The following HOOK3 variants were observed in gnomAD, a reference collection of about 807,000 sequenced individuals.
HOOK3 encodes the protein hook microtubule tethering protein 3.
In HOOK3, 24 loss-of-function variants were observed where a neutral mutation model predicts 116.3. That is an observed-to-expected ratio of 0.21 (90% CI 0.15 to 0.29). HOOK3 has a LOEUF of 0.29. HOOK3 is among the 10% of genes least tolerant of loss of function. HOOK3 has a pLI of 1.00. For synonymous variants in HOOK3, 275 were observed against 283.0 expected (o/e 0.97, Z 0.28); for missense variants, 632 against 830.2 (o/e 0.76, Z 2.93).
intron 2 of HOOK3, among the ~76,000 whole-genome samples, chr8:42,909,120 C>T (rs1246940581): frequency 6.6e-6 from 1 of 152,180 alleles, no homozygotes; most frequent in East Asian, 1.9e-4. Context: ...CACCTCACAC[C>T]TATCAGAATG....
chr8:42,927,481 C>T (rs1055915243), intron 3 of HOOK3, among the ~76,000 whole-genome samples: 2 of 152,148 alleles, frequency 1.3e-5, no homozygotes, highest in African/African-American at 4.8e-5. Flanking sequence ...GTCTTGAACT[C>T]CTAACCTCAG....
intron 15 of HOOK3, among the ~76,000 whole-genome samples, chr8:42,993,499 A>G (rs754633684): frequency 7.9e-5 from 12 of 152,044 alleles, no homozygotes; most frequent in Non-Finnish European, 1.8e-4. Context: ...TCGTTTTGGT[A>G]TCAGGGTAAT....
intron 15 of HOOK3, among the ~76,000 whole-genome samples, chr8:42,991,067 T>A (rs148572986): frequency 0.015 from 2,347 of 152,342 alleles, 32 homozygotes; most frequent in Non-Finnish European, 0.022. Context: ...CCAGAGTATG[T>A]TCTTGGCATC....
intron 2 of HOOK3, among the ~76,000 whole-genome samples, chr8:42,910,684 A>G (rs915687764): frequency 1.3e-5 from 2 of 152,250 alleles, no homozygotes; most frequent in Admixed American, 6.5e-5. Context: ...TGTATGATGT[A>G]TACAACCTCA....
Position 42,986,711 on chromosome 8 carries a change from G to T in HOOK3, c.1448G>T (p.Gly483Val). ...AAGATGTTAAAGCTTAACCAAGAAGGTTCGGACAATGAAAAAATAGCCTTA... is the reference window on the plus strand; with the variant it reads ...AAGATGTTAAAGCTTAACCAAGAAGTTTCGGACAATGAAAAAATAGCCTTA... ...ENKMLKLNQE[G>V]SDNEKIALLQ... The change falls in exon 15 of 22, where the codon GGT becomes GTT. Residue 483 changes from glycine to valine, a missense_variant. This residue lies in a region of HOOK3 where 483 missense variants were observed against 648.1 expected (regional missense o/e 0.75). Transcript: ENST00000307602. 3 of 1,613,838 alleles carry T rather than the reference G, an allele frequency of 1.9e-6. No homozygotes were observed. Among genetic ancestry groups the T allele is most frequent in the African/African-American group, 1.3e-5 (1 of 75,022 alleles).
intron 2 of HOOK3, among the ~76,000 whole-genome samples, chr8:42,919,107 C>G (rs973698851): frequency 6.6e-5 from 10 of 150,768 alleles, no homozygotes; most frequent in South Asian, 2.1e-4. Context: ...ATCACCCAGA[C>G]AGGGCGGCTG....
intron 11 of HOOK3, among the ~76,000 whole-genome samples, chr8:42,971,347 A>G (rs1236190281): frequency 1.3e-5 from 2 of 151,874 alleles, no homozygotes; most frequent in South Asian, 2.1e-4. Flanking sequence ...GCTTATCGCA[A>G]CCTCCACCTC....
intron 15 of HOOK3, among the ~76,000 whole-genome samples, chr8:42,993,202 T>G (rs1304094707): frequency 2.6e-5 from 4 of 152,226 alleles, no homozygotes. Flanking sequence ...TGTTGTTGAA[T>G]TTGGTTTGCA....
intron 18 of HOOK3, 63 bp downstream of exon 18, chr8:43,007,992 G>A: frequency 1.4e-6 from 1 of 690,700 alleles, no homozygotes. Flanking sequence ...TAGTGATAGT[G>A]AGTTTACATA....
intron 10 of HOOK3, among the ~76,000 whole-genome samples, chr8:42,967,324 C>T (rs541821240): frequency 2.0e-5 from 3 of 152,140 alleles, no homozygotes; most frequent in Non-Finnish European, 2.9e-5. Flanking sequence ...CCTATAGCAG[C>T]GAAGAAAGAG....
chr8:42,988,186 A>G (rs2130454128), intron 15 of HOOK3, among the ~76,000 whole-genome samples: 1 of 152,324 alleles, frequency 6.6e-6, no homozygotes, highest in South Asian at 2.1e-4. Context: ...GTCTAGAGAA[A>G]TGAGGGATTT....
intron 4 of HOOK3, among the ~76,000 whole-genome samples, chr8:42,931,419 T>C (rs1288354333): frequency 6.7e-6 from 1 of 149,410 alleles, no homozygotes; most frequent in Non-Finnish European, 1.5e-5. Flanking sequence ...TATATTCTTC[T>C]CTTCTCTTTT....
chr8:43,003,860 T>A (rs1021363812), intron 17 of HOOK3, among the ~76,000 whole-genome samples: 8 of 152,186 alleles, frequency 5.3e-5, no homozygotes, highest in African/African-American at 1.9e-4. Context: ...CTAATGACCT[T>A]CTTATAAGGA....
intron 19 of HOOK3, 58 bp downstream of exon 19, chr8:43,010,463 C>A: frequency 3.7e-6 from 2 of 542,434 alleles, no homozygotes; most frequent in Non-Finnish European, 3.0e-6. Flanking sequence ...TCAGTGAAGT[C>A]TCAAATATAA....
intron 15 of HOOK3, among the ~76,000 whole-genome samples, chr8:42,991,090 AGTTCACTGTAGGT>A (rs1809151727): frequency 6.6e-6 from 1 of 152,192 alleles, no homozygotes; most frequent in Non-Finnish European, 1.5e-5. Context: ...TGTCAAAATA[AGTTCACTGTAGGT>A]GTATAGATTT....
At chr8:42,992,273 G>T (rs557935405) in intron 15 of HOOK3, among the ~76,000 whole-genome samples, 1 of 149,554 alleles carries the variant, frequency 6.7e-6, no homozygotes, top group African/African-American at 2.5e-5. Flanking sequence ...GGTGGTGAGC[G>T]CCTGTAGTCC....
In HOOK3 at chr8:42,964,424, G is replaced by A. The variant is rs1233167657; in HGVS notation, c.729G>A (p.Arg243=). 1 of 1,614,098 alleles carries A rather than the reference G, an allele frequency of 6.2e-7. No individual in the cohort carries two copies. The highest frequency in any genetic ancestry group is 8.5e-7 in the Non-Finnish European group (1 of 1,179,992). Residue 243 remains arginine, a synonymous_variant, in exon 9 of 22, where the codon AGG becomes AGA. Coordinates refer to ENST00000307602, the MANE Select transcript of HOOK3 (RefSeq NM_032410.4). ...IEDPNSPAGR[R]HLQLQTQLEQ... Reference sequence around the variant, plus strand: ...ACCCTAACAGTCCAGCAGGAAGAAGGCATTTGCAGCTCCAGACTCAATTAG... The same window carrying A: ...ACCCTAACAGTCCAGCAGGAAGAAGACATTTGCAGCTCCAGACTCAATTAG...
At chr8:42,917,833 T>C (rs1807562416) in intron 2 of HOOK3, among the ~76,000 whole-genome samples, 2 of 152,232 alleles carry the variant, frequency 1.3e-5, no homozygotes, top group South Asian at 4.1e-4. Flanking sequence ...TATGTACCTG[T>C]ATTGTTTATT....
intron 15 of HOOK3, among the ~76,000 whole-genome samples, chr8:42,990,729 T>C (rs1809144402): frequency 6.6e-6 from 1 of 152,164 alleles, no homozygotes; most frequent in African/African-American, 2.4e-5. Context: ...AGTCATCCCT[T>C]GTGAGATGGG....
Sources: allele counts gnomAD v4.1 joint callset (sites outside exome capture counted in the v4.1 genomes callset), GRCh38; gene constraint gnomAD v4.1.1; regional missense constraint gnomAD v4.1.1; transcripts MANE v1.5; gene names NCBI Gene and HGNC (gene_info 2026-07-23, HGNC 2026-07-21).